RGS8: variants seen among roughly 807,000 people sequenced by gnomAD.
The protein encoded by RGS8 is regulator of G protein signaling 8.
A neutral mutation model predicts 21.7 loss-of-function variants in RGS8; 8 were observed. The ratio of observed to expected loss-of-function variants is 0.37; its 90% CI spans 0.22 to 0.66. RGS8 has a LOEUF of 0.66. RGS8 is among the 30% of genes least tolerant of loss of function. RGS8 has a pLI of 0.59. For synonymous variants in RGS8, 80 were observed against 83.6 expected (o/e 0.96, Z 0.24); for missense variants, 157 against 217.9 (o/e 0.72, Z 1.76).
the RGS8 span, among the ~76,000 whole-genome samples, chr1:182,751,457 C>T: frequency 2.6e-5 from 4 of 152,134 alleles, no homozygotes; most frequent in Non-Finnish European, 4.4e-5. Flanking sequence ...AGTCCCTGCA[C>T]GCGTGCCTAC....
chr1:182,730,330 G>A, the RGS8 span, among the ~76,000 whole-genome samples: 1 of 152,088 alleles, frequency 6.6e-6, no homozygotes, highest in Admixed American at 6.5e-5. Context: ...CCCATGCAAT[G>A]CAGTAGTAAA....
At chr1:182,670,777 ATTAG>A (rs746851594) in intron 2 of RGS8, among the ~76,000 whole-genome samples, 13 of 152,332 alleles carry the variant, frequency 8.5e-5, no homozygotes, top group Non-Finnish European at 1.8e-4. Context: ...AGAAAAAAAA[ATTAG>A]TTAGACTGTG....
At chr1:182,718,050 G>A in the RGS8 span, among the ~76,000 whole-genome samples, 21 of 152,258 alleles carry the variant, frequency 1.4e-4, no homozygotes, top group African/African-American at 4.3e-4. Context: ...CTTACCTTGA[G>A]GACCTAAGTC....
chr1:182,653,240 G>A (rs1242471649), intron 5 of RGS8, among the ~76,000 whole-genome samples: 1 of 152,176 alleles, frequency 6.6e-6, no homozygotes, highest in Non-Finnish European at 1.5e-5. Flanking sequence ...GGTTCTAGGT[G>A]TCCCATGGTA....
At chr1:182,716,808 T>C in the RGS8 span, among the ~76,000 whole-genome samples, 2 of 152,156 alleles carry the variant, frequency 1.3e-5, no homozygotes, top group African/African-American at 4.8e-5. Flanking sequence ...TCATCCAAGG[T>C]CAAATACAAA....
the RGS8 span, among the ~76,000 whole-genome samples, chr1:182,700,502 AG>A: frequency 6.6e-6 from 1 of 152,176 alleles, no homozygotes; most frequent in African/African-American, 2.4e-5. Flanking sequence ...GTGCCAGTCC[AG>A]GGTGGTATTC....
chr1:182,687,176 G>C (rs977648054), upstream of RGS8, among the ~76,000 whole-genome samples: 14 of 152,108 alleles, frequency 9.2e-5, no homozygotes, highest in Non-Finnish European at 1.5e-5. Context: ...CAGGTCTAGG[G>C]TGGGGTCTGG....
At chr1:182,667,483 G>C (rs370170480) in intron 3 of RGS8, among the ~76,000 whole-genome samples, 2 of 152,240 alleles carry the variant, frequency 1.3e-5, no homozygotes, top group East Asian at 3.9e-4. Context: ...TCCAACTCAA[G>C]TTCTCCCCAC....
the RGS8 span, among the ~76,000 whole-genome samples, chr1:182,720,484 C>T: frequency 6.6e-6 from 1 of 152,128 alleles, no homozygotes; most frequent in African/African-American, 2.4e-5. Context: ...CATTTCTCTG[C>T]TCAAAATCAT....
the RGS8 span, among the ~76,000 whole-genome samples, chr1:182,690,164 T>A: frequency 5.9e-5 from 9 of 152,210 alleles, no homozygotes; most frequent in Non-Finnish European, 1.3e-4. Flanking sequence ...CTCATAGGGT[T>A]GTAAAGAGAG....
intron 5 of RGS8, among the ~76,000 whole-genome samples, chr1:182,662,951 G>T (rs1449625465): frequency 1.4e-5 from 2 of 145,136 alleles, no homozygotes; most frequent in African/African-American, 5.7e-5. Flanking sequence ...GATTGAGAAT[G>T]GGGAGGGGGG....
At chr1:182,695,403 C>CCAATTT in the RGS8 span, among the ~76,000 whole-genome samples, 2 of 152,286 alleles carry the variant, frequency 1.3e-5, no homozygotes, top group Admixed American at 1.3e-4. Context: ...TTAGCACACT[C>CCAATTT]AGAGCTATTG....
upstream of RGS8, among the ~76,000 whole-genome samples, chr1:182,687,211 GT>G (rs895474752): frequency 7.2e-5 from 11 of 152,014 alleles, no homozygotes; most frequent in Admixed American, 1.3e-4. Context: ...TTCTTTTTCT[GT>G]TTTTTTCCCC....
the RGS8 span, among the ~76,000 whole-genome samples, chr1:182,720,614 G>T: frequency 1.3e-5 from 2 of 151,962 alleles, no homozygotes; most frequent in Non-Finnish European, 2.9e-5. Context: ...CTTCAGAAAT[G>T]CACTACCACT....
At chr1:182,686,279 C>T (rs918769202), upstream of RGS8, among the ~76,000 whole-genome samples, 3 of 151,958 alleles carry the variant, frequency 2.0e-5, no homozygotes, top group Non-Finnish European at 2.9e-5. Context: ...TGGGACCACA[C>T]GGTAAAAACT....
the RGS8 span, among the ~76,000 whole-genome samples, chr1:182,745,889 C>A: frequency 1.3e-5 from 2 of 152,126 alleles, no homozygotes; most frequent in Admixed American, 1.3e-4. Flanking sequence ...CCTCCACCAT[C>A]ATTCCCAACA....
chr1:182,735,898 C>T, the RGS8 span, among the ~76,000 whole-genome samples: 1 of 152,192 alleles, frequency 6.6e-6, no homozygotes. Flanking sequence ...CAAATATCTC[C>T]TCCACTTTCT....
chr1:182,645,094 A>G (rs1258932478), downstream of RGS8: 1 of 152,242 alleles, frequency 6.6e-6, no homozygotes, highest in Non-Finnish European at 1.5e-5. Context: ...AGATTCTCAA[A>G]GTTACTGGAG....
upstream of RGS8, among the ~76,000 whole-genome samples, chr1:182,674,850 C>G (rs1664305069): frequency 6.6e-6 from 1 of 152,190 alleles, no homozygotes; most frequent in African/African-American, 2.4e-5. Context: ...GGCCACAACT[C>G]ACGTTTCTTA....
Sources: allele counts gnomAD v4.1 joint callset (sites outside exome capture counted in the v4.1 genomes callset), GRCh38; gene constraint gnomAD v4.1.1; transcripts MANE v1.5; gene names NCBI Gene and HGNC (gene_info 2026-07-23, HGNC 2026-07-21).